The following NR6A1 variants were observed in gnomAD, a reference collection of about 807,000 sequenced individuals.
NR6A1 encodes retinoic acid receptor-related testis-associated receptor.
NR6A1 carries 7 observed loss-of-function variants against 59.1 expected under a neutral mutation model. The observed-to-expected ratio is 0.12, with a 90% confidence interval of 0.07 to 0.22. The LOEUF is 0.22. Among genes scored for constraint, NR6A1 ranks in the 10% least tolerant of loss-of-function variants. NR6A1 has a pLI of 1.00. For synonymous variants in NR6A1, 243 were observed against 236.1 expected, an observed-to-expected ratio of 1.03 and a Z score of -0.27; for missense variants, 468 against 611.6, an observed-to-expected ratio of 0.77 and a Z score of 2.48.
rs1325383307 is a variant in NR6A1 at position 124,538,204 on chromosome 9, G to A, written c.712C>T (p.Leu238Phe). 6.2e-7 allele frequency: 1 copy of A among 1,614,236 alleles called. No homozygotes were observed. The highest frequency in any genetic ancestry group is 1.7e-5 in the Admixed American group (1 of 60,026). Residue 238 changes from leucine (L) to phenylalanine (F), a missense_variant, in exon 6 of 10, where the codon CTT (leucine) becomes TTT (phenylalanine). Transcript: ENST00000487099. ...HLFSYSGHSP[L>F]LPQQARSLDP... The stretch of plus-strand genomic sequence containing the variant: ...AGGCTGCGAGCTTGTTGGGGCAGAA[G>A]TGGTGAGTGGCCAGAATAGCTAAAA...
intron 2 of NR6A1, among the ~76,000 whole-genome samples, chr9:124,687,438 C>T (rs1038722327): frequency 1.3e-5 from 2 of 152,046 alleles, no homozygotes; most frequent in African/African-American, 2.4e-5. Flanking sequence ...ATGCCCCCAA[C>T]ATCCCAAACA....
chr9:124,608,496 G>A (rs1008313400), intron 2 of NR6A1, among the ~76,000 whole-genome samples: 1 of 152,162 alleles, frequency 6.6e-6, no homozygotes, highest in Admixed American at 6.5e-5. Context: ...TGGCTGCAGA[G>A]TATTCCATGG....
intron 2 of NR6A1, among the ~76,000 whole-genome samples, chr9:124,670,892 G>A (rs890262838): frequency 2.0e-5 from 3 of 152,138 alleles, no homozygotes; most frequent in Non-Finnish European, 4.4e-5. Flanking sequence ...CACTTGGGCC[G>A]TTGCAGTTAT....
At chr9:124,703,751 G>C (rs1173364635) in intron 2 of NR6A1, among the ~76,000 whole-genome samples, 1 of 152,138 alleles carries the variant, frequency 6.6e-6, no homozygotes, top group Admixed American at 6.6e-5. Context: ...TACCATGCTC[G>C]TAGAATGAGT....
chr9:124,738,685 A>G (rs1316150472), intron 1 of NR6A1, among the ~76,000 whole-genome samples: 2 of 152,104 alleles, frequency 1.3e-5, no homozygotes, highest in Non-Finnish European at 2.9e-5. Flanking sequence ...CCTGACCAAC[A>G]TGGTAAAACC....
intron 2 of NR6A1, among the ~76,000 whole-genome samples, chr9:124,568,783 G>A (rs1209680714): frequency 2.0e-5 from 3 of 151,774 alleles, no homozygotes; most frequent in Non-Finnish European, 4.4e-5. Context: ...CTGTGAAGGT[G>A]GGGGAAGAGA....
intron 2 of NR6A1, among the ~76,000 whole-genome samples, chr9:124,695,666 G>C (rs1019410319): frequency 1.3e-5 from 2 of 152,118 alleles, no homozygotes; most frequent in Non-Finnish European, 2.9e-5. Flanking sequence ...CACCGCGCCC[G>C]GCCCGAGGGG....
intron 2 of NR6A1, among the ~76,000 whole-genome samples, chr9:124,687,327 G>C (rs1316310071): frequency 1.3e-5 from 1 of 76,314 alleles, no homozygotes; most frequent in Admixed American, 1.3e-4. Flanking sequence ...TATTGGTAGA[G>C]ACAAGGTCTT....
At chr9:124,742,560 C>CA (rs1299228603) in intron 1 of NR6A1, among the ~76,000 whole-genome samples, 3 of 148,670 alleles carry the variant, frequency 2.0e-5, no homozygotes, top group Non-Finnish European at 4.5e-5. Flanking sequence ...AACTTCGTCT[C>CA]AAAAAATAAA....
At chr9:124,768,475 T>C (rs377542867) in intron 1 of NR6A1, among the ~76,000 whole-genome samples, 28 of 152,232 alleles carry the variant, frequency 1.8e-4, no homozygotes, top group Admixed American at 9.2e-4. Flanking sequence ...TTGTAAAACA[T>C]TGCACAATGC....
chr9:124,525,253 C>G (rs1346525505), intron 8 of NR6A1, among the ~76,000 whole-genome samples: 1 of 149,940 alleles, frequency 6.7e-6, no homozygotes, highest in East Asian at 2.0e-4. Context: ...AATCAGAAAC[C>G]TTGCCAATAC....
chr9:124,681,133 G>A (rs773445144), intron 2 of NR6A1, among the ~76,000 whole-genome samples: 6 of 152,164 alleles, frequency 3.9e-5, no homozygotes, highest in African/African-American at 7.2e-5. Flanking sequence ...CACAGTGGCT[G>A]CTTCAAGAAG....
chr9:124,735,823 T>C lies in NR6A1; in HGVS notation c.101-2474A>G, dbSNP rs143972287. Reference sequence around the variant, plus strand: ...TTTGGTGTCTAGTGAGAGCCCATTTTATGGTTCACAGATGGTACCTTATCA... The same window carrying C: ...TTTGGTGTCTAGTGAGAGCCCATTTCATGGTTCACAGATGGTACCTTATCA... On this transcript the variant is annotated intron_variant, in intron 1 of 9. Transcript: ENST00000487099. Among the ~76,000 whole-genome samples, 4 of 152,344 alleles carry C rather than the reference T, an allele frequency of 2.6e-5. No homozygotes were observed. The East Asian group carries it at 5.8e-4, about 22-fold the overall frequency.
intron 6 of NR6A1, among the ~76,000 whole-genome samples, chr9:124,537,337 T>G (rs1411394983): frequency 6.6e-6 from 1 of 152,202 alleles, no homozygotes; most frequent in Non-Finnish European, 1.5e-5. Context: ...TCCGCCCACC[T>G]AGGCCTTCCA....
At chr9:124,747,061 G>A (rs1564265649) in intron 1 of NR6A1, among the ~76,000 whole-genome samples, 1 of 152,052 alleles carries the variant, frequency 6.6e-6, no homozygotes. Context: ...AAGAAAGAAT[G>A]TAAATACAGA....
At chr9:124,565,406 A>G (rs1210253894) in intron 2 of NR6A1, among the ~76,000 whole-genome samples, 1 of 152,170 alleles carries the variant, frequency 6.6e-6, no homozygotes, top group East Asian at 1.9e-4. Context: ...CAGCCTGGGC[A>G]ACAGAACGAG....
chr9:124,742,223 G>A (rs1298551913), intron 1 of NR6A1, among the ~76,000 whole-genome samples: 1 of 151,964 alleles, frequency 6.6e-6, no homozygotes, highest in Non-Finnish European at 1.5e-5. Context: ...TCAATACAGG[G>A]GCTCTAAAAT....
At chr9:124,569,801 C>T (rs573160789) in intron 2 of NR6A1, among the ~76,000 whole-genome samples, 1 of 152,288 alleles carries the variant, frequency 6.6e-6, no homozygotes, top group East Asian at 1.9e-4. Context: ...TATTTACATA[C>T]CATGTCCATT....
At chr9:124,617,287 C>T (rs747757446) in intron 2 of NR6A1, among the ~76,000 whole-genome samples, 1 of 152,228 alleles carries the variant, frequency 6.6e-6, no homozygotes, top group Non-Finnish European at 1.5e-5. Context: ...TGGCCCTTAT[C>T]CTACATAAGG....
Sources: gnomAD v4.1 joint callset for allele counts (sites outside exome capture counted in the v4.1 genomes callset) on GRCh38, gnomAD v4.1.1 for gene constraint, MANE v1.5 for transcripts, NCBI Gene and HGNC (gene_info 2026-07-23, HGNC 2026-07-21) for gene names.